LRP1B: variants seen among roughly 807,000 people sequenced by gnomAD.
LRP1B encodes low-density lipoprotein receptor-related protein 1B.
In LRP1B, 217 loss-of-function variants were observed where a neutral mutation model predicts 556.6. The ratio of observed to expected loss-of-function variants is 0.39; its 90% CI spans 0.35 to 0.44. The LOEUF is 0.44. Ranked by LOEUF, LRP1B falls within the 20% of genes least tolerant of loss-of-function variation. The pLI is 1.00. For missense variants in LRP1B, 5,053 were observed against 5,620.8 expected (o/e 0.90, Z 3.23); for synonymous variants, 2,047 against 1,865.8 (o/e 1.10, Z -2.50).
chr2:141,589,620 G>T (rs1687264513), intron 2 of LRP1B, among the ~76,000 whole-genome samples: 1 of 152,146 alleles, frequency 6.6e-6, no homozygotes, highest in Admixed American at 6.5e-5. Context: ...GATTTTGTCA[G>T]TTCTAAGGAA....
At chr2:141,015,960 A>C (rs750166818) in intron 12 of LRP1B, 45 bp from the exon 13 acceptor site, 14 of 1,415,980 alleles carry the variant, frequency 9.9e-6, no homozygotes, top group African/African-American at 1.4e-5. Context: ...TGTTATTACA[A>C]CCAGCCACAG....
At chr2:141,118,978 C>A (rs1700975386) in intron 7 of LRP1B, among the ~76,000 whole-genome samples, 1 of 151,880 alleles carries the variant, frequency 6.6e-6, no homozygotes, top group South Asian at 2.1e-4. Context: ...AGTCTGCCTT[C>A]TCAGCAGATA....
chr2:141,605,578 TAGAGCTGGGCTGGAACTGGCAGCCTA>T (rs1326236387), intron 2 of LRP1B, among the ~76,000 whole-genome samples: 1 of 152,152 alleles, frequency 6.6e-6, no homozygotes, highest in African/African-American at 2.4e-5. Flanking sequence ...CAGAATGGCC[TAGAGCTGGGCTGGAACTGGCAGCCTA>T]ATACTCAGCC....
intron 1 of LRP1B, among the ~76,000 whole-genome samples, chr2:141,866,284 G>A (rs2105794166): frequency 6.6e-6 from 1 of 152,184 alleles, no homozygotes; most frequent in East Asian, 1.9e-4. Context: ...TCCACTTGTG[G>A]GTTGCTAATG....
intron 2 of LRP1B, among the ~76,000 whole-genome samples, chr2:141,671,912 G>A (rs1690684362): frequency 6.6e-6 from 1 of 151,192 alleles, no homozygotes; most frequent in African/African-American, 2.4e-5. Flanking sequence ...GCCAGGCACT[G>A]GAATATGTCT....
intron 11 of LRP1B, among the ~76,000 whole-genome samples, chr2:141,035,552 T>G (rs901966513): frequency 6.6e-6 from 1 of 152,018 alleles, no homozygotes; most frequent in Non-Finnish European, 1.5e-5. Flanking sequence ...ATCTGACAGA[T>G]ATTTGGCAAT....
chr2:141,173,491 T>C (rs1361427382), intron 7 of LRP1B, among the ~76,000 whole-genome samples: 1 of 152,104 alleles, frequency 6.6e-6, no homozygotes, highest in Non-Finnish European at 1.5e-5. Flanking sequence ...ATCCAACCCA[T>C]GCTACACATG....
chr2:141,483,270 T>C lies in LRP1B; in HGVS notation c.206-2737A>G, dbSNP rs990545239. Among the ~76,000 whole-genome samples, 13 of 151,274 alleles carry C rather than the reference T, an allele frequency of 8.6e-5. 1 individual carries two copies. Among genetic ancestry groups the C allele is most frequent in the Middle Eastern group, 6.8e-3 (2 of 294 alleles). On this transcript the variant is annotated intron_variant, in intron 2 of 90. Transcript: ENST00000389484. Reference sequence around the variant, plus strand: ...GAATGATGGTTTCCAGTTTCATCCATGTCCCTACAAAGGACATGAACTCAT... The same window carrying C: ...GAATGATGGTTTCCAGTTTCATCCACGTCCCTACAAAGGACATGAACTCAT...
At chr2:141,722,173 T>C (rs1692841180) in intron 2 of LRP1B, among the ~76,000 whole-genome samples, 1 of 151,940 alleles carries the variant, frequency 6.6e-6, no homozygotes, top group African/African-American at 2.4e-5. Flanking sequence ...ATGTCAGGAG[T>C]TCGAGGCCAA....
intron 7 of LRP1B, among the ~76,000 whole-genome samples, chr2:141,152,502 C>T (rs1420124225): frequency 6.6e-6 from 1 of 151,772 alleles, no homozygotes; most frequent in Non-Finnish European, 1.5e-5. Context: ...TGTAAACATG[C>T]CAGTAAATAG....
Position 141,612,580 on chromosome 2 carries a change from C to T in LRP1B, c.206-132047G>A, listed in dbSNP as rs116712620. On this transcript the variant is annotated intron_variant, in intron 2 of 90. Coordinates refer to ENST00000389484, the MANE Select transcript of LRP1B (RefSeq NM_018557.3). ...TGTTTGTAAATAATACCAGAGACAC[C>T]TGGACTAATTTGTAGAAATACACCC... Among the ~76,000 whole-genome samples the T allele has an allele frequency of 5.9e-3, 904 of 152,246 alleles. 9 individuals carry two copies. Among genetic ancestry groups the T allele is most frequent in the African/African-American group, 0.02 (850 of 41,536 alleles).
At chr2:141,983,490 G>C (rs755735428) in intron 1 of LRP1B, among the ~76,000 whole-genome samples, 34 of 152,022 alleles carry the variant, frequency 2.2e-4, no homozygotes, top group Admixed American at 8.5e-4. Flanking sequence ...ATTGAGAAAG[G>C]ATGAACCTAT....
At chr2:140,749,309 C>T (rs1180503716) in intron 35 of LRP1B, among the ~76,000 whole-genome samples, 1 of 152,040 alleles carries the variant, frequency 6.6e-6, no homozygotes, top group East Asian at 1.9e-4. Flanking sequence ...ATTAAAAAAT[C>T]TTTCTTTCTT....
intron 2 of LRP1B, among the ~76,000 whole-genome samples, chr2:141,529,282 G>C (rs1448876749): frequency 6.6e-6 from 1 of 152,174 alleles, no homozygotes; most frequent in African/African-American, 2.4e-5. Context: ...AAGAAAGTCT[G>C]TTCCATTTTT....
intron 41 of LRP1B, among the ~76,000 whole-genome samples, chr2:140,611,934 G>A (rs532133619): frequency 5.1e-4 from 78 of 152,136 alleles, no homozygotes; most frequent in Non-Finnish European, 1.0e-3. Context: ...ATTTCTTATT[G>A]AAATGTACTA....
rs75171081 is a variant in LRP1B at position 141,654,182 on chromosome 2, T to C, written c.205+156097A>G. Among the ~76,000 whole-genome samples, 7 of 152,296 alleles carry C rather than the reference T, an allele frequency of 4.6e-5. No homozygotes were observed. In the East Asian group the frequency reaches 1.2e-3, roughly 25 times the overall value. ...CAGGAAATTGGAATTAGACCTTAAA[T>C]TGCAAAGGAGAAAAGGTAAATACGT... On this transcript the variant is annotated intron_variant, in intron 2 of 90. Transcript: ENST00000389484.
chr2:140,284,933 T>C (rs111984364), intron 84 of LRP1B, among the ~76,000 whole-genome samples: 1 of 129,546 alleles, frequency 7.7e-6, no homozygotes, highest in Non-Finnish European at 1.6e-5. Flanking sequence ...TACCTAGATA[T>C]CTATATATAA....
chr2:142,114,693 CT>C (rs1249610331), intron 1 of LRP1B, among the ~76,000 whole-genome samples: 1 of 151,964 alleles, frequency 6.6e-6, no homozygotes, highest in Non-Finnish European at 1.5e-5. Context: ...CATGTTATTA[CT>C]TATATGTGGG....
chr2:140,589,117 C>T (rs1305040818), intron 43 of LRP1B, among the ~76,000 whole-genome samples: 1 of 152,042 alleles, frequency 6.6e-6, no homozygotes, highest in East Asian at 1.9e-4. Flanking sequence ...AGAATAAAAT[C>T]TTTGGAATCT....
Sources: gnomAD v4.1 joint callset for allele counts (sites outside exome capture counted in the v4.1 genomes callset) on GRCh38, gnomAD v4.1.1 for gene constraint, MANE v1.5 for transcripts, NCBI Gene and HGNC (gene_info 2026-07-23, HGNC 2026-07-21) for gene names.